The following DLG2 variants were observed in gnomAD, a reference collection of about 807,000 sequenced individuals.
The protein encoded by DLG2 is discs large MAGUK scaffold protein 2.
DLG2 carries 45 observed loss-of-function variants against 132.5 expected under a neutral mutation model. The observed-to-expected ratio is 0.34, with a 90% CI of 0.27 to 0.44. DLG2 has a LOEUF of 0.44. Among genes scored for constraint, DLG2 ranks in the 20% least tolerant of loss-of-function variants. DLG2 has a pLI of 1.00. For missense variants in DLG2, 1,045 were observed against 1,196.9 expected (o/e 0.87, Z 1.87); for synonymous variants, 424 against 419.6 (o/e 1.01, Z -0.13).
intron 12 of DLG2, among the ~76,000 whole-genome samples, chr11:83,979,806 GTGT>G (rs2092621876): frequency 6.6e-6 from 1 of 152,090 alleles, no homozygotes; most frequent in African/African-American, 2.4e-5. Context: ...GTAAGCCAGG[GTGT>G]TGTTTCTATT....
intron 18 of DLG2, among the ~76,000 whole-genome samples, chr11:83,784,622 A>G (rs1197812206): frequency 1.3e-5 from 2 of 152,268 alleles, no homozygotes; most frequent in East Asian, 3.8e-4. Flanking sequence ...GATAAACTAC[A>G]GCATAGTAAC....
chr11:83,928,312 A>G (rs1000445600), intron 15 of DLG2, among the ~76,000 whole-genome samples: 7 of 152,144 alleles, frequency 4.6e-5, no homozygotes, highest in Non-Finnish European at 7.4e-5. Flanking sequence ...ATAAATAACT[A>G]TGGTATTCAT....
chr11:83,634,371 G>A (rs55885603), intron 18 of DLG2, among the ~76,000 whole-genome samples: 2,073 of 152,096 alleles, frequency 0.014, 54 homozygotes, highest in African/African-American at 0.048. Context: ...AAAAAGAAAC[G>A]GCTTTTGATG....
chr11:84,628,573 A>C (rs2099626636), intron 6 of DLG2, among the ~76,000 whole-genome samples: 2 of 152,132 alleles, frequency 1.3e-5, no homozygotes, highest in South Asian at 4.1e-4. Flanking sequence ...GCTTATCTTC[A>C]CATCTTTGCA....
chr11:85,032,800 T>A (rs1164939351), intron 6 of DLG2, among the ~76,000 whole-genome samples: 1 of 152,178 alleles, frequency 6.6e-6, no homozygotes, highest in African/African-American at 2.4e-5. Context: ...TAAGTGAAAG[T>A]CAGAGGAAGG....
At chr11:83,908,307 C>CTT (rs925494811) in intron 15 of DLG2, among the ~76,000 whole-genome samples, 1 of 149,610 alleles carries the variant, frequency 6.7e-6, no homozygotes, top group Non-Finnish European at 1.5e-5. Context: ...ATTTCACCTT[C>CTT]TTTTTTTTTT....
intron 3 of DLG2, among the ~76,000 whole-genome samples, chr11:85,566,606 G>A (rs2077537900): frequency 6.6e-6 from 1 of 152,110 alleles, no homozygotes; most frequent in South Asian, 2.1e-4. Flanking sequence ...ATGGCAGAAA[G>A]AGGGCAAGAG....
chr11:83,482,005 A>T (rs918612757), intron 22 of DLG2, among the ~76,000 whole-genome samples: 43 of 152,198 alleles, frequency 2.8e-4, no homozygotes, highest in African/African-American at 9.6e-4. Flanking sequence ...AAAGTTTACA[A>T]ATTCTCTCTG....
At chr11:85,470,025 C>T (rs1164969591) in intron 3 of DLG2, among the ~76,000 whole-genome samples, 1 of 152,088 alleles carries the variant, frequency 6.6e-6, no homozygotes, top group African/African-American at 2.4e-5. Context: ...CCTCTTCATT[C>T]TTACTATTAT....
intron 15 of DLG2, among the ~76,000 whole-genome samples, chr11:83,888,039 C>G (rs952021377): frequency 6.9e-5 from 10 of 144,090 alleles, no homozygotes; most frequent in Admixed American, 6.9e-4. Context: ...AAAACTGGCA[C>G]AAGACAGGGA....
chr11:84,267,707 G>C (rs960029480), intron 7 of DLG2, among the ~76,000 whole-genome samples: 1 of 152,038 alleles, frequency 6.6e-6, no homozygotes, highest in African/African-American at 2.4e-5. Flanking sequence ...TCATTTCTCT[G>C]TGTCTTTCTT....
At chr11:84,965,825 C>T (rs930934012) in intron 6 of DLG2, among the ~76,000 whole-genome samples, 4 of 151,976 alleles carry the variant, frequency 2.6e-5, no homozygotes, top group Admixed American at 6.6e-5. Context: ...AAAAAAGGGC[C>T]TCTTATCTAA....
At chr11:84,109,560 T>G (rs1029477821) in intron 9 of DLG2, among the ~76,000 whole-genome samples, 1 of 152,228 alleles carries the variant, frequency 6.6e-6, no homozygotes, top group Admixed American at 6.5e-5. Context: ...ATACTCCAAC[T>G]ACAAAATTTC....
chr11:84,934,520 G>T (rs201376116), intron 6 of DLG2, among the ~76,000 whole-genome samples: 16,074 of 38,044 alleles, frequency 0.42, 3,818 homozygotes, highest in African/African-American at 0.52. Context: ...TTTTTGTTTT[G>T]TTTTGTTTTT....
intron 22 of DLG2, among the ~76,000 whole-genome samples, chr11:83,483,613 A>T (rs1565414369): frequency 6.6e-6 from 1 of 152,160 alleles, no homozygotes; most frequent in East Asian, 1.9e-4. Flanking sequence ...TAAGGAATAA[A>T]CTTCTCCAAA....
At chr11:85,368,860 G>A (rs2084754480) in intron 3 of DLG2, among the ~76,000 whole-genome samples, 1 of 152,238 alleles carries the variant, frequency 6.6e-6, no homozygotes, top group Admixed American at 6.5e-5. Flanking sequence ...AACATTTGCA[G>A]CAGAGAGGAG....
intron 6 of DLG2, among the ~76,000 whole-genome samples, chr11:84,843,790 C>G (rs1480461625): frequency 6.6e-6 from 1 of 151,544 alleles, no homozygotes; most frequent in Non-Finnish European, 1.5e-5. Flanking sequence ...CACAACCATC[C>G]TTTTTCCCCA....
intron 3 of DLG2, among the ~76,000 whole-genome samples, chr11:85,381,885 G>A (rs186194124): frequency 2.7e-4 from 41 of 152,020 alleles, no homozygotes; most frequent in Admixed American, 1.6e-3. Context: ...GAATTAGAAC[G>A]CAATATTGTT....
intron 6 of DLG2, among the ~76,000 whole-genome samples, chr11:84,553,057 T>A (rs1050677902): frequency 1.3e-5 from 2 of 152,176 alleles, no homozygotes; most frequent in African/African-American, 4.8e-5. Context: ...CCTTCCTGTC[T>A]CATGCTTTTC....
Sources: allele counts gnomAD v4.1 joint callset (sites outside exome capture counted in the v4.1 genomes callset), GRCh38; gene constraint gnomAD v4.1.1; transcripts MANE v1.5; gene names NCBI Gene and HGNC (gene_info 2026-07-23, HGNC 2026-07-21).